Variants in TEKT5 observed in about 807,000 individuals in gnomAD.
TEKT5 encodes tektin 5.
A neutral mutation model predicts 48.7 loss-of-function variants in TEKT5; 52 were observed. The ratio of observed to expected loss-of-function variants is 1.07; its 90% CI spans 0.86 to 1.35. The LOEUF is 1.35. Ranked by LOEUF, TEKT5 falls within the 40% of genes most tolerant of loss-of-function variation. TEKT5 has a pLI of 0.00. For synonymous variants in TEKT5, 318 were observed against 267.6 expected, an observed-to-expected ratio of 1.19 and a Z score of -1.84; for missense variants, 831 against 641.6, an observed-to-expected ratio of 1.30 and a Z score of -3.19.
At chr16:10,691,789 C>T (rs1898982651) in intron 1 of TEKT5, among the ~76,000 whole-genome samples, 2 of 151,906 alleles carry the variant, frequency 1.3e-5, no homozygotes, top group African/African-American at 4.8e-5. Context: ...TCTACTAAAA[C>T]TACAAAAGAT....
intron 4 of TEKT5, among the ~76,000 whole-genome samples, 185 bp downstream of exon 4, chr16:10,681,808 A>G (rs917890403): frequency 6.6e-5 from 10 of 151,960 alleles, no homozygotes; most frequent in Non-Finnish European, 1.0e-4. Flanking sequence ...CTCCTCCGGT[A>G]AATTCCATCT....
At chr16:10,648,579 A>C (rs908031521) in intron 5 of TEKT5, among the ~76,000 whole-genome samples, 5 of 152,110 alleles carry the variant, frequency 3.3e-5, no homozygotes, top group Non-Finnish European at 7.4e-5. Context: ...TGATCCGCCT[A>C]TCTCGGCCTC....
chr16:10,692,545 A>G (rs72783771), intron 1 of TEKT5: 1 of 152,176 alleles, frequency 6.6e-6, no homozygotes, highest in Non-Finnish European at 1.5e-5. Flanking sequence ...CCCAGTGTCC[A>G]CTCAACCCCT....
At chr16:10,657,691 G>A (rs1174102537) in intron 5 of TEKT5, among the ~76,000 whole-genome samples, 1 of 150,838 alleles carries the variant, frequency 6.6e-6, no homozygotes, top group Non-Finnish European at 1.5e-5. Context: ...CCGGGTTCAT[G>A]CCATTCTCCT....
intron 5 of TEKT5, among the ~76,000 whole-genome samples, chr16:10,656,969 G>C (rs1056201087): frequency 1.3e-5 from 2 of 151,984 alleles, no homozygotes; most frequent in Admixed American, 1.3e-4. Context: ...GAACTCCTGG[G>C]CTCAAGTGAT....
At chr16:10,685,326 G>T (rs530366874) in intron 3 of TEKT5, among the ~76,000 whole-genome samples, 1 of 152,098 alleles carries the variant, frequency 6.6e-6, no homozygotes, top group African/African-American at 2.4e-5. Flanking sequence ...TTTTGAGACA[G>T]TCTTGCTCTG....
chr16:10,659,822 A>G (rs1898331347), intron 5 of TEKT5, among the ~76,000 whole-genome samples: 1 of 152,206 alleles, frequency 6.6e-6, no homozygotes, highest in East Asian at 1.9e-4. Context: ...GGGAGGATAG[A>G]TTTCAGTGGG....
chr16:10,632,733 A>AGGACGG (rs1217622042), intron 6 of TEKT5, among the ~76,000 whole-genome samples: 1 of 152,100 alleles, frequency 6.6e-6, no homozygotes, highest in African/African-American at 2.4e-5. Context: ...AGGAATGGAG[A>AGGACGG]GGACGGGGAC....
chr16:10,646,273 G>A (rs1250689602), intron 5 of TEKT5, among the ~76,000 whole-genome samples: 1 of 152,160 alleles, frequency 6.6e-6, no homozygotes, highest in Non-Finnish European at 1.5e-5. Context: ...AGTGGGATCT[G>A]GAAATCTAGA....
At chr16:10,659,381 A>G (rs534666984) in intron 5 of TEKT5, among the ~76,000 whole-genome samples, 1 of 152,194 alleles carries the variant, frequency 6.6e-6, no homozygotes, top group South Asian at 2.1e-4. Flanking sequence ...TTATTTATTT[A>G]TTTATTTACT....
chr16:10,664,647 G>A (rs1898429580), intron 5 of TEKT5, among the ~76,000 whole-genome samples: 1 of 152,218 alleles, frequency 6.6e-6, no homozygotes, highest in South Asian at 2.1e-4. Flanking sequence ...TGGCACTAAG[G>A]CTGAGAGCGG....
rs139662134 is a variant in TEKT5 at position 10,664,950 on chromosome 16, G to C, written c.1086+11009C>G. Among the ~76,000 whole-genome samples the C allele has an allele frequency of 3.3e-5, 5 of 152,316 alleles. No individual in the cohort carries two copies. The East Asian group carries it at 9.6e-4, about 29-fold the overall frequency. ...TTGTCAATCATCATTACTCCCATTTGACAGAGGAAAAAACTGAAGCACAGA... is the reference window on the plus strand; with the variant it reads ...TTGTCAATCATCATTACTCCCATTTCACAGAGGAAAAAACTGAAGCACAGA... On this transcript the variant is annotated intron_variant, in intron 5 of 6. Coordinates refer to ENST00000283025, the MANE Select transcript of TEKT5 (RefSeq NM_144674.2).
At chr16:10,657,830 G>C (rs1288847121) in intron 5 of TEKT5, among the ~76,000 whole-genome samples, 1 of 148,296 alleles carries the variant, frequency 6.7e-6, no homozygotes, top group Non-Finnish European at 1.5e-5. Flanking sequence ...TCGATCTCCT[G>C]ACCTCGTGAT....
rs200342976 is a variant in TEKT5 at position 10,627,766 on chromosome 16, G to A, written c.1275C>T (p.Thr425=). 4 of 1,614,076 alleles carry A rather than the reference G, an allele frequency of 2.5e-6. No individual in the cohort carries two copies. Among genetic ancestry groups the A allele is most frequent in the Admixed American group, 1.7e-5 (1 of 60,010 alleles). The change falls in exon 7 of 7, where the codon ACC becomes ACT. Residue 425 remains threonine (T), a synonymous_variant. Transcript: ENST00000283025. ...GCAGCCGCAGCTTGAGGGTCTGCAGGGTGTCGTCGATGGTGAACACCTCGT... is the reference window on the plus strand; with the variant it reads ...GCAGCCGCAGCTTGAGGGTCTGCAGAGTGTCGTCGATGGTGAACACCTCGT... The part of the protein sequence containing the change: ...LVNEVFTIDD[T]LQTLKLRLRE...
At chr16:10,683,791 T>A (rs1290843210) in intron 3 of TEKT5, among the ~76,000 whole-genome samples, 1 of 152,120 alleles carries the variant, frequency 6.6e-6, no homozygotes, top group African/African-American at 2.4e-5. Flanking sequence ...TGGGGTTTCA[T>A]CATGTTAGCC....
chr16:10,652,793 CA>C (rs1567228422), intron 5 of TEKT5, among the ~76,000 whole-genome samples: 17 of 120,534 alleles, frequency 1.4e-4, no homozygotes, highest in Admixed American at 4.9e-4. Context: ...CACACACACA[CA>C]CCCTCCAGGC....
At chr16:10,679,724 A>G (rs888784896) in intron 4 of TEKT5, among the ~76,000 whole-genome samples, 2 of 151,492 alleles carry the variant, frequency 1.3e-5, no homozygotes, top group East Asian at 4.0e-4. Context: ...CAGAAACCCC[A>G]TCTCTATTAA....
intron 4 of TEKT5, among the ~76,000 whole-genome samples, chr16:10,681,256 C>G (rs770964672): frequency 1.2e-4 from 18 of 152,112 alleles, no homozygotes; most frequent in Non-Finnish European, 2.4e-4. Flanking sequence ...GAAGTGGGTA[C>G]TTAATTTTCT....
chr16:10,690,937 C>T (rs769412469), intron 1 of TEKT5, among the ~76,000 whole-genome samples: 1 of 152,188 alleles, frequency 6.6e-6, no homozygotes, highest in Non-Finnish European at 1.5e-5. Flanking sequence ...TCCGGAGCCC[C>T]TTCTGTGAGA....
Sources: gnomAD v4.1 joint callset for allele counts (sites outside exome capture counted in the v4.1 genomes callset) on GRCh38, gnomAD v4.1.1 for gene constraint, MANE v1.5 for transcripts, NCBI Gene and HGNC (gene_info 2026-07-23, HGNC 2026-07-21) for gene names.